Variants in ZFYVE28 observed in about 807,000 individuals in gnomAD.
ZFYVE28 encodes lateral signaling target protein 2 homolog.
Under a neutral mutation model 82.1 loss-of-function variants are expected in ZFYVE28, and 40 were observed. The ratio of observed to expected loss-of-function variants is 0.49; its 90% CI spans 0.38 to 0.63. ZFYVE28 has a LOEUF of 0.63. Among genes scored for constraint, ZFYVE28 ranks in the 30% least tolerant of loss-of-function variants. The pLI, the probability that ZFYVE28 is intolerant of heterozygous loss-of-function variation, is 0.00. For synonymous variants in ZFYVE28, 612 were observed against 546.1 expected (o/e 1.12, Z -1.68); for missense variants, 1,321 against 1,242.1 (o/e 1.06, Z -0.96).
intron 8 of ZFYVE28, among the ~76,000 whole-genome samples, chr4:2,280,100 T>C (rs1007746231): frequency 2.0e-5 from 3 of 152,228 alleles, no homozygotes; most frequent in Non-Finnish European, 4.4e-5. Flanking sequence ...AAGCTAAATG[T>C]CCATCAACAG....
chr4:2,329,191 C>T, intron 6 of ZFYVE28: 1 of 679,292 alleles, frequency 1.5e-6, no homozygotes. Flanking sequence ...TGCACAGAAT[C>T]TGTAGATCAC....
intron 1 of ZFYVE28, among the ~76,000 whole-genome samples, chr4:2,392,435 A>T (rs1032168634): frequency 6.6e-6 from 1 of 152,194 alleles, no homozygotes; most frequent in Non-Finnish European, 1.5e-5. Context: ...GTATTAATAG[A>T]TGGGACTCTC....
rs558385980 is a variant in ZFYVE28, at chr4:2,400,875, C to T, written c.39+17410G>A. Among the ~76,000 whole-genome samples, 36 of 152,322 alleles carry T rather than the reference C, an allele frequency of 2.4e-4. No homozygotes were observed. In the South Asian group the frequency reaches 7.0e-3, roughly 30 times the overall value. On this transcript the variant is annotated intron_variant, in intron 1 of 12. Transcript: ENST00000290974. ...CAAATGTTAACATCCTTTGGCAGCA[C>T]GCACACAGACACACCCAGGATCAAT...
Position 2,270,594 on chromosome 4 carries a change from C to G in ZFYVE28, c.*131G>C. The G allele has an allele frequency of 7.4e-7, 1 of 1,346,130 alleles. No homozygotes were observed. Among genetic ancestry groups the G allele is most frequent in the Admixed American group, 2.0e-5 (1 of 49,078 alleles). The allele number at this position is 1,346,130 out of a possible 1,614,324, so 83.4% of individuals were successfully genotyped here. A position where few individuals can be genotyped will look rare whatever the true frequency, so the allele number is the denominator to read the frequency against. On this transcript the variant is annotated 3_prime_UTR_variant, in exon 13 of 13. Transcript: ENST00000290974. ...GTGGGCAGGACAGAGGCTCTGGATG[C>G]TCTGGAGGTCTGGGTGCCCCTGCAG...
rs1022755666 is a variant in ZFYVE28, at chr4:2,270,065, G to A, written c.*660C>T. 2.0e-5 allele frequency: 3 copies of A among 152,590 alleles called. No homozygotes were observed. The highest frequency in any genetic ancestry group is 3.8e-4 in the East Asian group (2 of 5,198). The allele number at this position is 152,590 out of a possible 1,614,324, so 9.5% of individuals were successfully genotyped here. ...GTCGGACCCCCATGCCATCAGCAAG[G>A]GGACAGTGGTGGGCAGACACCAGGA... is the stretch of plus-strand genomic sequence containing the variant. On this transcript the variant is annotated 3_prime_UTR_variant, in exon 13 of 13. Coordinates refer to ENST00000290974, the MANE Select transcript of ZFYVE28 (RefSeq NM_020972.3).
Position 2,332,143 on chromosome 4 carries a change from CCA to C in ZFYVE28, c.701+3560_701+3561del, listed in dbSNP as rs1437018812. On this transcript the variant is annotated intron_variant, in intron 6 of 12. Coordinates refer to ENST00000290974, the MANE Select transcript of ZFYVE28 (RefSeq NM_020972.3). This position sits in a 1 kb window ranked among gnomAD's most constrained non-coding sequence, Gnocchi z 4.7. ...GCAGCAGCACAGTCACGGGCAGGAG[CCA>C]CAGAGGAGCTCCACCCTCAGCTCCT... Among the ~76,000 whole-genome samples the C allele has an allele frequency of 2.6e-5, 4 of 152,164 alleles. No homozygotes were observed. The highest frequency in any genetic ancestry group is 1.5e-5 in the Non-Finnish European group (1 of 68,016).
chr4:2,338,014 T>C (rs1030776885), intron 4 of ZFYVE28, among the ~76,000 whole-genome samples: 8 of 152,150 alleles, frequency 5.3e-5, no homozygotes, highest in African/African-American at 1.9e-4. Context: ...CTCCCAGGGC[T>C]CACCCTGGAG....
At chr4:2,355,588 T>C (rs1466482273) in intron 1 of ZFYVE28, among the ~76,000 whole-genome samples, 1 of 150,094 alleles carries the variant, frequency 6.7e-6, no homozygotes, top group Non-Finnish European at 1.5e-5. Flanking sequence ...CCTATATACG[T>C]ATTTTTTGAG....
rs1355928044 is a variant in ZFYVE28 at position 2,305,102 on chromosome 4, A to G, written c.1238T>C (p.Leu413Pro). The G allele has an allele frequency of 6.2e-7, 1 of 1,602,368 alleles. No homozygotes were observed. The highest frequency in any genetic ancestry group is 8.5e-7 in the Non-Finnish European group (1 of 1,173,982). The part of the protein sequence containing the change: ...MDDVEGTAEA[L>P]ARPESPAGPF... ...GCCAGCTGGGGACTCGGGCCTGGCC[A>G]GGGCTTCTGCCGTCCCCTCCACGTC... The change falls in exon 8 of 13, where the codon CTG (leucine) becomes CCG (proline). Residue 413 changes from leucine to proline, a missense_variant. Physicochemically the swap from Leu to Pro is moderately conservative, Grantham distance 98. Transcript: ENST00000290974.
chr4:2,300,587 G>A lies in ZFYVE28; in HGVS notation c.2051+3702C>T, dbSNP rs944337618. On this transcript the variant is annotated intron_variant, in intron 8 of 12. Transcript: ENST00000290974. The surrounding 1 kb of genome is among the most constrained non-coding windows in gnomAD (Gnocchi z 4.6). ...ACGCCAGGACTCCAGTGGGCCATGT[G>A]CCAACCCACCTCCTGCGTGCATCCG... Among the ~76,000 whole-genome samples, 1 of 152,050 alleles carries A rather than the reference G, an allele frequency of 6.6e-6. No homozygotes were observed.
intron 1 of ZFYVE28, among the ~76,000 whole-genome samples, chr4:2,376,410 C>T (rs966835803): frequency 2.1e-5 from 3 of 144,266 alleles, no homozygotes; most frequent in Non-Finnish European, 4.5e-5. Flanking sequence ...TTTTTAAATT[C>T]GCCAGATGTA....
rs763562745 is a variant in ZFYVE28 at position 2,305,199 on chromosome 4, C to G, written c.1141G>C (p.Gly381Arg). Residue 381 changes from glycine to arginine, a missense_variant, in exon 8 of 13, where the codon GGG becomes CGG. Gly to Arg is a moderately radical substitution (Grantham distance 125). Coordinates refer to ENST00000290974, the MANE Select transcript of ZFYVE28 (RefSeq NM_020972.3). ...CGCGGTCTACCTGGAGAGGCCTCCC[C>G]GCCTGGGCTGCCCTCCGCTCCTGGC... ...HRPGAEGSPGGEASPGRPRLR... is the reference protein window; with the variant it reads ...HRPGAEGSPGREASPGRPRLR... 13 of 1,603,406 alleles carry G rather than the reference C, an allele frequency of 8.1e-6. No homozygotes were observed. Among genetic ancestry groups the G allele is most frequent in the Non-Finnish European group, 7.7e-6 (9 of 1,173,088 alleles).
chr4:2,279,623 CAA>C (rs954743209), intron 8 of ZFYVE28, among the ~76,000 whole-genome samples: 10 of 151,342 alleles, frequency 6.6e-5, no homozygotes, highest in East Asian at 3.9e-4. Context: ...ACTAAAAATA[CAA>C]AAAAAATTAG....
At chr4:2,365,048 C>T (rs1364374447) in intron 1 of ZFYVE28, among the ~76,000 whole-genome samples, 2 of 151,200 alleles carry the variant, frequency 1.3e-5, no homozygotes, top group Non-Finnish European at 2.9e-5. Flanking sequence ...TGGAGGGGGG[C>T]GGTCCAGGCT....
chr4:2,324,868 G>C (rs935593131), intron 6 of ZFYVE28: 33 of 171,938 alleles, frequency 1.9e-4, no homozygotes, highest in African/African-American at 7.1e-4. Context: ...GGGCCCTGAG[G>C]AATTATGGAA....
intron 4 of ZFYVE28, among the ~76,000 whole-genome samples, chr4:2,338,092 G>A (rs1722142618): frequency 6.6e-6 from 1 of 152,210 alleles, no homozygotes; most frequent in Non-Finnish European, 1.5e-5. Flanking sequence ...CAGCCTTAAG[G>A]GGCGAGAGAG....
chr4:2,405,290 T>C (rs1731749199), intron 1 of ZFYVE28, among the ~76,000 whole-genome samples: 1 of 152,130 alleles, frequency 6.6e-6, no homozygotes, highest in Non-Finnish European at 1.5e-5. Context: ...GCTTTTCCAT[T>C]CTCTCCCCAC....
At position 2,335,586 on chromosome 4, in the gene ZFYVE28, G is replaced by T; in HGVS notation, c.701+119C>A. ...GGCCTGCCTGTCACTGATCGGGACA[G>T]CTGAGCGGCCACCGTGAGGTGGAGA... On this transcript the variant is annotated intron_variant, in intron 6 of 12. Transcript: ENST00000290974. The surrounding 1 kb of genome is among the most constrained non-coding windows in gnomAD (Gnocchi z 5.8). 1.1e-6 allele frequency: 1 copy of T among 921,226 alleles called. No individual in the cohort carries two copies. The highest frequency in any genetic ancestry group is 1.7e-6 in the Non-Finnish European group (1 of 599,408). 57.1% of individuals were successfully genotyped at this position (921,226 alleles called of 1,614,324 possible).
chr4:2,346,768 AG>A (rs1436493546), intron 2 of ZFYVE28, among the ~76,000 whole-genome samples: 1 of 152,156 alleles, frequency 6.6e-6, no homozygotes, highest in Non-Finnish European at 1.5e-5. Context: ...GAGCCAACAA[AG>A]GAGACAAAGC....
Sources: gnomAD v4.1 joint callset for allele counts (sites outside exome capture counted in the v4.1 genomes callset) on GRCh38, gnomAD v4.1.1 for gene constraint, Gnocchi (gnomAD v3.1) non-coding constraint, MANE v1.5 for transcripts, NCBI Gene and HGNC (gene_info 2026-07-23, HGNC 2026-07-21) for gene names.